The following MACROD2 variants were observed in gnomAD, a reference collection of about 807,000 sequenced individuals.
The protein encoded by MACROD2 is ADP-ribose glycohydrolase MACROD2.
In MACROD2, 36 loss-of-function variants were observed where a neutral mutation model predicts 70.4. The observed-to-expected ratio is 0.51, with a 90% CI of 0.39 to 0.68. MACROD2 has a LOEUF of 0.68. Among genes scored for constraint, MACROD2 ranks in the 30% least tolerant of loss-of-function variants. MACROD2 has a pLI of 0.00. For synonymous variants in MACROD2, 172 were observed against 178.8 expected (o/e 0.96, Z 0.30); for missense variants, 496 against 538.4 (o/e 0.92, Z 0.78).
At chr20:14,003,636 G>C in intron 2 of MACROD2, 2 of 454,304 alleles carry the variant, frequency 4.4e-6, no homozygotes, top group Non-Finnish European at 8.8e-6. Context: ...CCACCACCCC[G>C]TCTCAGAACA....
chr20:14,372,555 C>T (rs2083335102), intron 3 of MACROD2, among the ~76,000 whole-genome samples: 1 of 151,878 alleles, frequency 6.6e-6, no homozygotes, highest in African/African-American at 2.4e-5. Context: ...TAAAAATGAT[C>T]GTATTCTAAA....
intron 8 of MACROD2, among the ~76,000 whole-genome samples, chr20:15,689,817 A>G (rs1466981922): frequency 6.6e-6 from 1 of 152,168 alleles, no homozygotes; most frequent in African/African-American, 2.4e-5. Context: ...GTTGGTGACG[A>G]TTATGAAAAG....
intron 6 of MACROD2, among the ~76,000 whole-genome samples, chr20:15,374,167 CTA>C (rs947241991): frequency 6.6e-6 from 1 of 151,596 alleles, no homozygotes; most frequent in Non-Finnish European, 1.5e-5. Flanking sequence ...TGTATAATTT[CTA>C]TATATATATG....
intron 3 of MACROD2, among the ~76,000 whole-genome samples, chr20:14,220,963 A>T (rs982561350): frequency 6.6e-6 from 1 of 152,050 alleles, no homozygotes; most frequent in Non-Finnish European, 1.5e-5. Flanking sequence ...AGTCGATCTG[A>T]TGCTAAAATT....
chr20:15,417,312 C>A (rs2046166607), intron 6 of MACROD2, among the ~76,000 whole-genome samples: 1 of 148,846 alleles, frequency 6.7e-6, no homozygotes, highest in Non-Finnish European at 1.5e-5. Context: ...GGTCCTGGGC[C>A]AGATATGGGG....
chr20:15,640,690 A>G (rs562836621), intron 8 of MACROD2, among the ~76,000 whole-genome samples: 173 of 152,310 alleles, frequency 1.1e-3, no homozygotes, highest in African/African-American at 4.1e-3. Context: ...TGAAGGACAG[A>G]TGTGATGCTG....
At chr20:15,242,502 T>C (rs1007959476) in intron 6 of MACROD2, among the ~76,000 whole-genome samples, 3 of 152,204 alleles carry the variant, frequency 2.0e-5, no homozygotes, top group Non-Finnish European at 4.4e-5. Flanking sequence ...CAGTTTGCCT[T>C]TATTGTGATG....
intron 5 of MACROD2, among the ~76,000 whole-genome samples, chr20:14,788,580 C>CAAAAAAAA (rs11477973): frequency 1.4e-5 from 1 of 73,282 alleles, no homozygotes; most frequent in African/African-American, 5.6e-5. Context: ...GATCACATCT[C>CAAAAAAAA]AAAAAAAAAA....
chr20:15,674,372 G>A (rs2050025896), intron 8 of MACROD2, among the ~76,000 whole-genome samples: 1 of 152,094 alleles, frequency 6.6e-6, no homozygotes, highest in Admixed American at 6.6e-5. Context: ...CAGAGGTGAG[G>A]GGAGGCAGTG....
intron 5 of MACROD2, among the ~76,000 whole-genome samples, chr20:14,789,317 G>A (rs1486600390): frequency 2.0e-5 from 3 of 151,818 alleles, no homozygotes; most frequent in Non-Finnish European, 4.4e-5. Context: ...AGTTAGATAT[G>A]TGTACTCTCA....
chr20:14,175,222 C>T (rs944540486), intron 3 of MACROD2, among the ~76,000 whole-genome samples: 1 of 152,188 alleles, frequency 6.6e-6, no homozygotes, highest in East Asian at 1.9e-4. Flanking sequence ...TTTTTTCCCA[C>T]ATCTTAGCCT....
intron 6 of MACROD2, among the ~76,000 whole-genome samples, chr20:15,283,438 C>T (rs8126168): frequency 6.3e-4 from 96 of 151,698 alleles, no homozygotes; most frequent in Middle Eastern, 3.4e-3. Flanking sequence ...TTTGGGAGGC[C>T]GAGGTGAGTG....
chr20:14,322,702 T>C (rs1055615509), intron 3 of MACROD2, among the ~76,000 whole-genome samples: 1 of 152,116 alleles, frequency 6.6e-6, no homozygotes, highest in Non-Finnish European at 1.5e-5. Flanking sequence ...GATATCTCCT[T>C]GTCAGTAGAG....
chr20:14,992,319 A>C (rs1278217244), intron 5 of MACROD2, among the ~76,000 whole-genome samples: 1 of 152,206 alleles, frequency 6.6e-6, no homozygotes, highest in Non-Finnish European at 1.5e-5. Flanking sequence ...CTATCTGTAG[A>C]ATGTAGGTGT....
intron 9 of MACROD2, among the ~76,000 whole-genome samples, chr20:15,881,100 T>C (rs1276584893): frequency 6.6e-6 from 1 of 152,094 alleles, no homozygotes; most frequent in East Asian, 1.9e-4. Flanking sequence ...AACCTGTATC[T>C]TCGTAATGGG....
chr20:15,872,946 TCC>T (rs2064606996), intron 9 of MACROD2, among the ~76,000 whole-genome samples: 1 of 152,156 alleles, frequency 6.6e-6, no homozygotes, highest in Non-Finnish European at 1.5e-5. Flanking sequence ...TATGAATTCT[TCC>T]ATAACTTAAT....
chr20:14,825,783 A>C (rs2072894893), intron 5 of MACROD2, among the ~76,000 whole-genome samples: 1 of 152,150 alleles, frequency 6.6e-6, no homozygotes, highest in Non-Finnish European at 1.5e-5. Context: ...ATTCTTGCTC[A>C]TTAGTGACCT....
At chr20:14,958,163 T>TA (rs1187757235) in intron 5 of MACROD2, among the ~76,000 whole-genome samples, 2 of 152,200 alleles carry the variant, frequency 1.3e-5, no homozygotes, top group African/African-American at 2.4e-5. Flanking sequence ...GTGTATGTAT[T>TA]ACCTTCTGTA....
intron 2 of MACROD2, among the ~76,000 whole-genome samples, chr20:14,010,101 T>C (rs1569113325): frequency 6.6e-6 from 1 of 152,196 alleles, no homozygotes; most frequent in East Asian, 1.9e-4. Flanking sequence ...CAAAGCTGTG[T>C]GTCTTGCACA....
Sources: allele counts gnomAD v4.1 joint callset (sites outside exome capture counted in the v4.1 genomes callset), GRCh38; gene constraint gnomAD v4.1.1; transcripts MANE v1.5; gene names NCBI Gene and HGNC (gene_info 2026-07-23, HGNC 2026-07-21).